Variants in NPHS1 observed in about 807,000 individuals in gnomAD.
The protein encoded by NPHS1 is nephrin.
Under a neutral mutation model 139.7 loss-of-function variants are expected in NPHS1, and 107 were observed. That is an observed-to-expected ratio of 0.77 (90% CI 0.66 to 0.90). The LOEUF is 0.90. Ranked by LOEUF, NPHS1 falls within the 40% of genes least tolerant of loss-of-function variation. The pLI is 0.00. For synonymous variants in NPHS1, 707 were observed against 706.6 expected (o/e 1.00, Z -0.01); for missense variants, 1,580 against 1,654.2 (o/e 0.96, Z 0.78).
In NPHS1 at chr19:35,851,338, C is replaced by T. The variant is rs145630223; in HGVS notation, c.321G>A (p.Ala107=). The T allele has an allele frequency of 2.6e-5, 42 of 1,613,594 alleles. No homozygotes were observed. The highest frequency in any genetic ancestry group is 3.3e-5 in the Admixed American group (2 of 59,950). ...AGCGGCCGACCTGGCACTCATACTC[C>T]GCGTCATCGCTGAGGTCACAGGCCT... is the stretch of plus-strand genomic sequence containing the variant. ...HIEACDLSDD[A]EYECQVGRSE... Residue 107 remains alanine, a synonymous_variant, in exon 3 of 29, where the codon GCG becomes GCA. Coordinates refer to ENST00000378910, the MANE Select transcript of NPHS1 (RefSeq NM_004646.4).
At position 35,849,352 on chromosome 19, in the gene NPHS1, G is replaced by T; in HGVS notation, c.724C>A (p.Pro242Thr). The T allele has an allele frequency of 1.2e-6, 2 of 1,612,098 alleles. No individual in the cohort carries two copies. The highest frequency in any genetic ancestry group is 1.7e-6 in the Non-Finnish European group (2 of 1,179,716). Residue 242 changes from proline (P) to threonine (T), a missense_variant, in exon 7 of 29, where the codon CCC becomes ACC. Transcript: ENST00000378910. ...FTVNVLFPPG[P>T]PVIEWPGLDE... is the part of the protein sequence containing the mutation. ...AGGCCTGGCCACTCGATGACAGGGG[G>T]TCCTGGAGGGACTGGGGGATATCAG...
chr19:35,850,400 G>T lies in NPHS1; in HGVS notation c.572C>A (p.Ser191Tyr), dbSNP rs535617570. The T allele has an allele frequency of 1.4e-5, 22 of 1,614,114 alleles. No homozygotes were observed. The African/African-American group carries it at 2.8e-4, about 21-fold the overall frequency. The change falls in exon 5 of 29, where the codon TCC becomes TAC. Residue 191 changes from serine to tyrosine, a missense_variant. Ser to Tyr is a moderately radical substitution (Grantham distance 144). Transcript: ENST00000378910. ...CTCCACAGTGAAGAGTTTCTGCTGGGAGCCCTCGTTCACGTTTGCAGAGAT... is the reference window on the plus strand; with the variant it reads ...CTCCACAGTGAAGAGTTTCTGCTGGTAGCCCTCGTTCACGTTTGCAGAGAT... ...SDISANVNEG[S>Y]QQKLFTVEAT...
chr19:35,830,429 A>T (rs1230278031), intron 28 of NPHS1, among the ~76,000 whole-genome samples: 1 of 152,160 alleles, frequency 6.6e-6, no homozygotes, highest in Admixed American at 6.6e-5. Flanking sequence ...TTTTTTTCAG[A>T]GACAGGGTCT....
rs187462057 is a variant in NPHS1, at chr19:35,838,373, C to T, written c.3109+864G>A. ...TTCAAGACCAGCCTGGCCAACATGG[C>T]GAAACCCCGTCTCTACTAAAAATAC... On this transcript the variant is annotated intron_variant, in intron 22 of 28. Transcript: ENST00000378910. Among the ~76,000 whole-genome samples, 210 of 151,244 alleles carry T rather than the reference C, an allele frequency of 1.4e-3. 3 individuals carry two copies. The East Asian group carries it at 0.032, about 23-fold the overall frequency.
At position 35,848,777 on chromosome 19, in the gene NPHS1, T is replaced by A. The variant is rs1462405961; in HGVS notation, c.1030A>T (p.Ile344Phe). 1 of 1,613,998 alleles carries A rather than the reference T, an allele frequency of 6.2e-7. No homozygotes were observed. The highest frequency in any genetic ancestry group is 2.2e-5 in the East Asian group (1 of 44,876). Residue 344 changes from isoleucine (I) to phenylalanine (F), a missense_variant, in exon 9 of 29, where the codon ATT becomes TTT. By Grantham distance (21) the Ile-to-Phe change is conservative. Coordinates refer to ENST00000378910, the MANE Select transcript of NPHS1 (RefSeq NM_004646.4). ...LQVTFPPSAI[I>F]ILGSASQTEN... ...GTCTGGGATGCAGATCCCAAGATAATAATGGCACTAGGGGGAACTGCAGGG... is the reference window on the plus strand; with the variant it reads ...GTCTGGGATGCAGATCCCAAGATAAAAATGGCACTAGGGGGAACTGCAGGG...
chr19:35,840,834 G>A (rs1161513623), intron 20 of NPHS1, among the ~76,000 whole-genome samples: 3 of 147,886 alleles, frequency 2.0e-5, no homozygotes, highest in Non-Finnish European at 3.0e-5. Context: ...GATTACAAGC[G>A]CATGCCATCA....
intron 27 of NPHS1, 47 bp from the exon 28 acceptor site, chr19:35,831,003 G>T (rs761157120): frequency 2.5e-6 from 4 of 1,601,236 alleles, no homozygotes; most frequent in Non-Finnish European, 3.4e-6. Flanking sequence ...CCCAGTCCAG[G>T]CGTCGGGGGT....
chr19:35,847,673 T>G (rs572372727), intron 11 of NPHS1, among the ~76,000 whole-genome samples: 1 of 149,662 alleles, frequency 6.7e-6, no homozygotes, highest in South Asian at 2.1e-4. Context: ...ACAGCATTGT[T>G]TTTTTTTTTT....
chr19:35,826,714 G>A (rs1273456916), intron 28 of NPHS1, 69 bp from the exon 29 acceptor site: 12 of 1,539,580 alleles, frequency 7.8e-6, no homozygotes, highest in Non-Finnish European at 3.6e-6. Context: ...AGATCTGGGG[G>A]ATACATGCCC....
chr19:35,826,787 G>A, intron 28 of NPHS1, 142 bp from the exon 29 acceptor site: 1 of 894,356 alleles, frequency 1.1e-6, no homozygotes. Context: ...ATACAAAAAA[G>A]GAGTGTGATT....
chr19:35,842,671 GA>G (rs1007774341), intron 17 of NPHS1, 121 bp from the exon 18 acceptor site: 63 of 997,840 alleles, frequency 6.3e-5, no homozygotes, highest in South Asian at 2.6e-4. Context: ...AGGTATTGAA[GA>G]AAAAAAAATT....
chr19:35,850,239 A>C lies in NPHS1; in HGVS notation c.608+125T>G, dbSNP rs1973217136. On this transcript the variant is annotated intron_variant, in intron 5 of 28. Transcript: ENST00000378910. ...TCCCCATGAAGAAGCTTTGAGAGTCAGGATGAAGAATTGGGTCCCAGATGT... is the reference window on the plus strand; with the variant it reads ...TCCCCATGAAGAAGCTTTGAGAGTCCGGATGAAGAATTGGGTCCCAGATGT... The C allele has an allele frequency of 9.2e-6, 7 of 756,930 alleles. No individual in the cohort carries two copies. In the Admixed American group the frequency reaches 1.4e-4, roughly 15 times the overall value. The allele number at this position is 756,930 out of a possible 1,614,324, so 46.9% of individuals were successfully genotyped here.
At chr19:35,851,435 G>T (rs1973257861) in intron 2 of NPHS1, 22 bp downstream of exon 2, 1 of 1,612,980 alleles carries the variant, frequency 6.2e-7, no homozygotes, top group Non-Finnish European at 8.5e-7. Flanking sequence ...GTGGCTGAGG[G>T]TCTCAGGCTC....
In NPHS1 at chr19:35,852,196, T is replaced by C. The variant is rs1464835690; in HGVS notation, c.-359A>G. Among the ~76,000 whole-genome samples, 1 of 151,742 alleles carries C rather than the reference T, an allele frequency of 6.6e-6. No individual in the cohort carries two copies. The highest frequency in any genetic ancestry group is 1.5e-5 in the Non-Finnish European group (1 of 67,918). On this transcript the variant is annotated 5_prime_UTR_variant, in exon 1 of 29. Coordinates refer to ENST00000378910, the MANE Select transcript of NPHS1 (RefSeq NM_004646.4). The stretch of plus-strand genomic sequence containing the variant: ...CTCCCACCTTGGCCTCCCCAAGTGT[T>C]GGGATTACAGGCGTGAGCCACTGCG...
intron 23 of NPHS1, among the ~76,000 whole-genome samples, chr19:35,833,021 A>G (rs1438354775): frequency 1.3e-5 from 2 of 148,926 alleles, no homozygotes; most frequent in Non-Finnish European, 3.0e-5. Context: ...AGTAGCTGGG[A>G]TTACAGGCGC....
intron 4 of NPHS1, among the ~76,000 whole-genome samples, chr19:35,850,728 C>T (rs2146830649): frequency 6.6e-6 from 1 of 152,158 alleles, no homozygotes; most frequent in East Asian, 1.9e-4. Flanking sequence ...GCGCTACTGC[C>T]CATATTTCTA....
chr19:35,829,396 T>A (rs1180234653), intron 28 of NPHS1, among the ~76,000 whole-genome samples: 3 of 152,196 alleles, frequency 2.0e-5, no homozygotes, highest in Non-Finnish European at 4.4e-5. Context: ...CTTTCTTTTT[T>A]GAAACAGTCT....
rs1568455647 is a variant in NPHS1, at chr19:35,848,317, A to G, written c.1251T>C (p.Cys417=). 1 of 1,614,142 alleles carries G rather than the reference A, an allele frequency of 6.2e-7. No homozygotes were observed. Among genetic ancestry groups the G allele is most frequent in the African/African-American group, 1.3e-5 (1 of 75,032 alleles). The change falls in exon 10 of 29, where the codon TGT becomes TGC. Residue 417 remains cysteine, a synonymous_variant. Transcript: ENST00000378910. ...RREDNGLTLT[C]EAFSEAFTKE... ...TGGTGAAGGCTTCACTGAAGGCCTC[A>G]CATGTGAGGGTCAGACCGTTGTCCT... is the stretch of plus-strand genomic sequence containing the variant.
intron 22 of NPHS1, among the ~76,000 whole-genome samples, chr19:35,837,026 AAAAGAAAGAAAGAAAGAAAGAAAGAAAG>A (rs201666209): frequency 0.046 from 6,031 of 131,878 alleles, 161 homozygotes; most frequent in African/African-American, 0.074. Context: ...AAAAGAAAAG[AAAAGAAAGAAAGAAAGAAAGAAAGAAAG>A]AAAGAAAGAA....
Sources: allele counts gnomAD v4.1 joint callset (sites outside exome capture counted in the v4.1 genomes callset), GRCh38; gene constraint gnomAD v4.1.1; transcripts MANE v1.5; gene names NCBI Gene and HGNC (gene_info 2026-07-23, HGNC 2026-07-21).